ZFAND3: variants seen among roughly 807,000 people sequenced by gnomAD.
ZFAND3 encodes the protein zinc finger AN1-type containing 3.
A neutral mutation model predicts 29.6 loss-of-function variants in ZFAND3; 10 were observed. The observed-to-expected ratio is 0.34, with a 90% CI of 0.21 to 0.57. The LOEUF (loss-of-function observed/expected upper bound fraction) is 0.57, where lower values mean the gene tolerates loss of function less well. Among genes scored for constraint, ZFAND3 ranks in the 20% least tolerant of loss-of-function variants. The probability of loss-of-function intolerance (pLI) is 0.86; values close to 1 mark genes in which losing one functional copy is unlikely to be tolerated. For missense variants in ZFAND3, 230 were observed against 304.5 expected (o/e 0.76, Z 1.82); for synonymous variants, 128 against 112.6 (o/e 1.14, Z -0.87).
chr6:37,902,446 C>A (rs1031754668), intron 1 of ZFAND3, among the ~76,000 whole-genome samples: 3 of 152,096 alleles, frequency 2.0e-5, no homozygotes, highest in African/African-American at 7.2e-5. Flanking sequence ...GCACTCTAGC[C>A]TGCCATGCAC....
intron 2 of ZFAND3, among the ~76,000 whole-genome samples, chr6:38,048,768 A>G (rs1471384021): frequency 2.0e-5 from 3 of 152,092 alleles, no homozygotes; most frequent in African/African-American, 7.2e-5. Context: ...TGCAGTTTCT[A>G]AGTAGCTTAG....
At chr6:37,935,035 A>G (rs1761673400) in intron 2 of ZFAND3, among the ~76,000 whole-genome samples, 1 of 152,128 alleles carries the variant, frequency 6.6e-6, no homozygotes, top group South Asian at 2.1e-4. Context: ...CTCAAGTCTA[A>G]GACTATTGTG....
At chr6:38,019,051 C>T (rs957358135) in intron 2 of ZFAND3, among the ~76,000 whole-genome samples, 4 of 152,114 alleles carry the variant, frequency 2.6e-5, no homozygotes, top group African/African-American at 9.7e-5. Context: ...CAACCTCCAC[C>T]TCCTGGGTTC....
chr6:38,152,751 A>G lies in ZFAND3; in HGVS notation c.*362A>G. ...GGAGACTCTGAGTTAATAGAGGAGT[A>G]GAAGCTGGTGTTAAAGTTCCCACGA... On this transcript the variant is annotated 3_prime_UTR_variant, in exon 6 of 6. Coordinates refer to ENST00000287218, the MANE Select transcript of ZFAND3 (RefSeq NM_021943.3). 2.0e-6 allele frequency: 2 copies of G among 1,005,362 alleles called. No individual in the cohort carries two copies. Among genetic ancestry groups the G allele is most frequent in the South Asian group, 9.3e-5 (2 of 21,520 alleles). 62.3% of individuals were successfully genotyped at this position (1,005,362 alleles called of 1,614,324 possible). A position where few individuals can be genotyped will look rare whatever the true frequency, so the allele number is the denominator to read the frequency against.
chr6:38,087,943 T>G (rs1407632749), intron 4 of ZFAND3, among the ~76,000 whole-genome samples: 1 of 152,224 alleles, frequency 6.6e-6, no homozygotes, highest in Non-Finnish European at 1.5e-5. Context: ...AATGTTTCCT[T>G]GCTGTTAGGT....
intron 5 of ZFAND3, among the ~76,000 whole-genome samples, chr6:38,151,037 C>T (rs377759681): frequency 2.0e-5 from 3 of 152,136 alleles, no homozygotes; most frequent in East Asian, 1.9e-4. Flanking sequence ...TTCTCCCCAG[C>T]GTTTTGAAAG....
chr6:38,142,893 A>G (rs1314228303), intron 5 of ZFAND3: 1 of 154,844 alleles, frequency 6.5e-6, no homozygotes, highest in Non-Finnish European at 1.4e-5. Flanking sequence ...TTTTAAATAT[A>G]TGTTCATCTC....
chr6:38,057,445 CCTTT>C (rs1429434092), intron 2 of ZFAND3, among the ~76,000 whole-genome samples: 1 of 152,094 alleles, frequency 6.6e-6, no homozygotes, highest in African/African-American at 2.4e-5. Context: ...ACTTAGTGCC[CCTTT>C]CTTTAAGTTA....
chr6:38,004,269 A>G (rs1763004470), intron 2 of ZFAND3, among the ~76,000 whole-genome samples: 2 of 152,304 alleles, frequency 1.3e-5, no homozygotes, highest in Middle Eastern at 6.8e-3. Flanking sequence ...GTGATTTCTG[A>G]TAGTACATAT....
intron 2 of ZFAND3, among the ~76,000 whole-genome samples, chr6:38,044,375 C>T (rs1293187293): frequency 6.6e-6 from 1 of 151,696 alleles, no homozygotes; most frequent in Admixed American, 6.6e-5. Flanking sequence ...AGTTAACACT[C>T]TTACTTTTTT....
chr6:38,079,418 A>G (rs962207823), intron 3 of ZFAND3, among the ~76,000 whole-genome samples: 1 of 152,186 alleles, frequency 6.6e-6, no homozygotes, highest in Non-Finnish European at 1.5e-5. Flanking sequence ...GAAGCCTTAA[A>G]GTTTATTTGC....
intron 5 of ZFAND3, among the ~76,000 whole-genome samples, chr6:38,124,987 C>T (rs1581939298): frequency 6.6e-6 from 1 of 152,318 alleles, no homozygotes; most frequent in African/African-American, 2.4e-5. Context: ...AAGACAGCAA[C>T]AATTGGGATG....
At chr6:38,053,599 G>A (rs904780148) in intron 2 of ZFAND3, among the ~76,000 whole-genome samples, 1 of 152,058 alleles carries the variant, frequency 6.6e-6, no homozygotes, top group Non-Finnish European at 1.5e-5. Context: ...CATGAGAATC[G>A]CTTGAACCGA....
intron 3 of ZFAND3, among the ~76,000 whole-genome samples, chr6:38,070,984 A>G (rs534559780): frequency 9.2e-5 from 14 of 151,804 alleles, no homozygotes; most frequent in South Asian, 2.1e-4. Context: ...ATAAGTCTCC[A>G]GTGATTTGCC....
intron 5 of ZFAND3, among the ~76,000 whole-genome samples, chr6:38,123,921 A>G (rs967090385): frequency 1.3e-5 from 2 of 152,132 alleles, no homozygotes; most frequent in Non-Finnish European, 2.9e-5. Context: ...GAGCGAAAGA[A>G]CAAAGCTTCC....
chr6:37,840,300 T>C (rs531872176), intron 1 of ZFAND3, among the ~76,000 whole-genome samples: 10 of 152,232 alleles, frequency 6.6e-5, no homozygotes, highest in South Asian at 6.2e-4. Context: ...GGTTTCACCA[T>C]GTTGCTCAGG....
intron 3 of ZFAND3, among the ~76,000 whole-genome samples, chr6:38,065,260 A>G (rs1262647699): frequency 1.3e-5 from 2 of 151,902 alleles, no homozygotes; most frequent in Non-Finnish European, 2.9e-5. Flanking sequence ...GGTTGCAGTG[A>G]GCCGAGATCA....
chr6:37,971,831 G>GAAAAA (rs5875604), intron 2 of ZFAND3, among the ~76,000 whole-genome samples: 3 of 117,894 alleles, frequency 2.5e-5, no homozygotes, highest in African/African-American at 9.9e-5. Context: ...TGTACAAAAT[G>GAAAAA]AAAAAAAAAA....
At chr6:37,994,118 C>CTGTGTGTGTG (rs10535939) in intron 2 of ZFAND3, among the ~76,000 whole-genome samples, 222 of 150,688 alleles carry the variant, frequency 1.5e-3, no homozygotes, top group African/African-American at 3.8e-3. Context: ...GAGTGTGTGT[C>CTGTGTGTGTG]TGTGTGTGTG....
Sources: gnomAD v4.1 joint callset for allele counts (sites outside exome capture counted in the v4.1 genomes callset) on GRCh38, gnomAD v4.1.1 for gene constraint, MANE v1.5 for transcripts, NCBI Gene and HGNC (gene_info 2026-07-23, HGNC 2026-07-21) for gene names.